LRRC37A2: variants seen among roughly 807,000 people sequenced by gnomAD.
LRRC37A2 encodes leucine-rich repeat-containing protein 37A2.
LRRC37A2 carries 9 observed loss-of-function variants against 68.8 expected under a neutral mutation model. That is an observed-to-expected ratio of 0.13 (90% CI 0.08 to 0.23). LRRC37A2 has a LOEUF of 0.23. LRRC37A2 is among the 10% of genes least tolerant of loss of function. The pLI, the probability that LRRC37A2 is intolerant of heterozygous loss-of-function variation, is 1.00. For missense variants in LRRC37A2, 168 were observed against 950.4 expected (o/e 0.18, Z 10.82); for synonymous variants, 63 against 367.6 (o/e 0.17, Z 9.48).
chr17:46,543,871 C>A (rs1412004202), intron 8 of LRRC37A2, among the ~76,000 whole-genome samples: 1 of 149,754 alleles, frequency 6.7e-6, no homozygotes, highest in East Asian at 2.0e-4. Context: ...AATCCCAGCA[C>A]TTTGGGAGGC....
chr17:46,635,365 AT>A, the LRRC37A2 span, among the ~76,000 whole-genome samples: 20 of 85,322 alleles, frequency 2.3e-4, 1 homozygote, highest in East Asian at 9.1e-4. Context: ...AGTTAGCAGT[AT>A]TTTTTTTTTC....
chr17:46,640,281 ATAG>A, the LRRC37A2 span: 2 of 259,080 alleles, frequency 7.7e-6, 1 homozygote, highest in Non-Finnish European at 1.3e-5. Context: ...CCCTTTTAAG[ATAG>A]TAGGGAGAAA....
At chr17:46,953,026 TTTATTA>T in the LRRC37A2 span, among the ~76,000 whole-genome samples, 1 of 151,974 alleles carries the variant, frequency 6.6e-6, no homozygotes, top group Non-Finnish European at 1.5e-5. Flanking sequence ...GTTTTTAAAT[TTTATTA>T]TTATTTTTTA....
the LRRC37A2 span, among the ~76,000 whole-genome samples, chr17:46,868,589 C>T: frequency 2.0e-5 from 3 of 150,728 alleles, no homozygotes; most frequent in Middle Eastern, 3.2e-3. Context: ...GAGTGAGACT[C>T]GATTAAAAAA....
At chr17:46,978,367 C>T in the LRRC37A2 span, 1 of 451,100 alleles carries the variant, frequency 2.2e-6, no homozygotes, top group East Asian at 4.1e-5. Context: ...CCCACCCTGC[C>T]CCGAACGTCT....
chr17:46,812,556 G>A, the LRRC37A2 span, among the ~76,000 whole-genome samples: 5 of 152,140 alleles, frequency 3.3e-5, no homozygotes, highest in Non-Finnish European at 5.9e-5. Flanking sequence ...CAAGAGTCTG[G>A]CAGACTCTGG....
rs1205955565 is a variant in LRRC37A2 at position 46,516,126 on chromosome 17, C to A, written c.2609+805C>A. On this transcript the variant is annotated intron_variant, in intron 2 of 14. Coordinates refer to ENST00000576629, the Ensembl canonical transcript of LRRC37A2. ...CCATCCTGGCTAACATGGTGAAACCCCATCTCTACTAAAAATACAGAAAAA... is the reference window on the plus strand; with the variant it reads ...CCATCCTGGCTAACATGGTGAAACCACATCTCTACTAAAAATACAGAAAAA... 8.8e-5 allele frequency among the ~76,000 whole-genome samples: 13 copies of A among 147,526 alleles called. 1 individual carries two copies. Among genetic ancestry groups the A allele is most frequent in the African/African-American group, 3.4e-4 (13 of 38,786 alleles).
At chr17:46,823,277 C>T in the LRRC37A2 span, among the ~76,000 whole-genome samples, 9 of 146,362 alleles carry the variant, frequency 6.1e-5, no homozygotes, top group African/African-American at 1.5e-4. Context: ...TGCAATGGCG[C>T]GGTCTCGACT....
the LRRC37A2 span, among the ~76,000 whole-genome samples, chr17:46,765,655 G>A: frequency 2.3e-4 from 35 of 152,230 alleles, no homozygotes; most frequent in Admixed American, 2.0e-3. Flanking sequence ...CTTGCCTAGC[G>A]GAGTCTCGGC....
At chr17:46,866,684 G>C in the LRRC37A2 span, among the ~76,000 whole-genome samples, 1 of 152,078 alleles carries the variant, frequency 6.6e-6, no homozygotes. Context: ...GCCTGTAGTT[G>C]GCATGGCCCT....
chr17:46,881,195 G>A, the LRRC37A2 span, among the ~76,000 whole-genome samples: 6 of 152,210 alleles, frequency 3.9e-5, no homozygotes, highest in Non-Finnish European at 2.9e-5. Flanking sequence ...CTTCAGCCCT[G>A]CTGGGGTCCA....
At chr17:46,994,924 C>G in the LRRC37A2 span, among the ~76,000 whole-genome samples, 1 of 152,162 alleles carries the variant, frequency 6.6e-6, no homozygotes, top group Non-Finnish European at 1.5e-5. Context: ...GAGTTTGAGA[C>G]CCGCCTGGGC....
chr17:46,784,508 T>A, the LRRC37A2 span, among the ~76,000 whole-genome samples: 1 of 151,324 alleles, frequency 6.6e-6, no homozygotes, highest in Non-Finnish European at 1.5e-5. Flanking sequence ...TGATGCCATA[T>A]GCCAAGGGGT....
the LRRC37A2 span, chr17:46,940,391 G>A: frequency 6.5e-7 from 1 of 1,550,196 alleles, no homozygotes; most frequent in South Asian, 1.2e-5. Context: ...GTGGACTGGG[G>A]GGTTGCAGCA....
At chr17:46,502,823 G>T in the LRRC37A2 span, among the ~76,000 whole-genome samples, 114 of 151,220 alleles carry the variant, frequency 7.5e-4, 5 homozygotes, top group African/African-American at 2.5e-3. Context: ...CCACCCAGGG[G>T]CTCAGAGCCC....
the LRRC37A2 span, among the ~76,000 whole-genome samples, chr17:46,866,711 C>T: frequency 6.6e-6 from 1 of 152,082 alleles, no homozygotes; most frequent in Non-Finnish European, 1.5e-5. Flanking sequence ...ATGCACTACT[C>T]CTGGACCCTC....
the LRRC37A2 span, among the ~76,000 whole-genome samples, chr17:46,725,799 G>A: frequency 6.6e-6 from 1 of 152,118 alleles, no homozygotes; most frequent in African/African-American, 2.4e-5. Flanking sequence ...TCATGACACT[G>A]ATGAGATTTC....
the LRRC37A2 span, among the ~76,000 whole-genome samples, chr17:46,967,236 C>T: frequency 6.6e-6 from 1 of 152,214 alleles, no homozygotes; most frequent in South Asian, 2.1e-4. Context: ...ACCAGTCTGC[C>T]TGGGTTTGGA....
the LRRC37A2 span, chr17:46,768,880 C>T: frequency 3.0e-5 from 46 of 1,556,506 alleles, no homozygotes; most frequent in African/African-American, 5.9e-4. This position sits in a 1 kb window ranked among gnomAD's most constrained non-coding sequence, Gnocchi z 5.0. Flanking sequence ...TGCCACTGCC[C>T]ACCCCCTTCC....
Sources: gnomAD v4.1 joint callset for allele counts (sites outside exome capture counted in the v4.1 genomes callset) on GRCh38, gnomAD v4.1.1 for gene constraint, Gnocchi (gnomAD v3.1) non-coding constraint, MANE v1.5 for transcripts, NCBI Gene and HGNC (gene_info 2026-07-23, HGNC 2026-07-21) for gene names.